SNTG1: variants seen among roughly 807,000 people sequenced by gnomAD.
SNTG1 encodes the protein syntrophin gamma 1.
In SNTG1, 39 loss-of-function variants were observed where a neutral mutation model predicts 74.7. The ratio of observed to expected loss-of-function variants is 0.52; its 90% CI spans 0.40 to 0.68. The LOEUF (loss-of-function observed/expected upper bound fraction) is 0.68, where lower values mean the gene tolerates loss of function less well. SNTG1 is among the 30% of genes least tolerant of loss of function. SNTG1 has a pLI of 0.00. For synonymous variants in SNTG1, 254 were observed against 217.1 expected (o/e 1.17, Z -1.49); for missense variants, 685 against 609.5 (o/e 1.12, Z -1.30).
intron 1 of SNTG1, among the ~76,000 whole-genome samples, chr8:50,004,076 A>T (rs1434254190): frequency 6.6e-6 from 1 of 152,130 alleles, no homozygotes; most frequent in African/African-American, 2.4e-5. Flanking sequence ...AGGAAAAGCT[A>T]ATACCCTGAG....
intron 4 of SNTG1, among the ~76,000 whole-genome samples, chr8:50,432,755 CTTTTATTTTTTATTTACA>C (rs1443748099): frequency 6.6e-6 from 1 of 151,486 alleles, no homozygotes; most frequent in Non-Finnish European, 1.5e-5. Context: ...AAATATTTTT[CTTTTATTTTTTATTTACA>C]TTTTATTTTT....
At chr8:49,928,559 T>G (rs1563358113) in intron 1 of SNTG1, among the ~76,000 whole-genome samples, 2 of 152,044 alleles carry the variant, frequency 1.3e-5, no homozygotes, top group Non-Finnish European at 2.9e-5. Flanking sequence ...ATAAATACAC[T>G]ACTCTGCTGG....
At position 50,057,971 on chromosome 8, in the gene SNTG1, A is replaced by T. The variant is rs1394237364; in HGVS notation, c.-102-114590A>T. Among the ~76,000 whole-genome samples, 4 of 152,148 alleles carry T rather than the reference A, an allele frequency of 2.6e-5. No homozygotes were observed. The East Asian group carries it at 7.7e-4, about 29-fold the overall frequency. On this transcript the variant is annotated intron_variant, in intron 1 of 18. Coordinates refer to ENST00000642720, the MANE Select transcript of SNTG1 (RefSeq NM_018967.5). ...TTGAATATTATTTGCATGTAATTTG[A>T]TAAAGCATTTACACATGTTGGAAAA... is the stretch of plus-strand genomic sequence containing the variant.
chr8:50,677,850 T>C (rs1218889645), intron 15 of SNTG1, among the ~76,000 whole-genome samples: 21 of 151,988 alleles, frequency 1.4e-4, no homozygotes, highest in Non-Finnish European at 4.4e-5. Context: ...TTTCAATACA[T>C]CATTTCACTA....
chr8:50,737,897 T>A (rs946509482), intron 17 of SNTG1, among the ~76,000 whole-genome samples: 1 of 152,096 alleles, frequency 6.6e-6, no homozygotes, highest in African/African-American at 2.4e-5. Context: ...TAAGTATTGA[T>A]GGAAAGTATC....
rs146075420 is a variant in SNTG1, at chr8:50,052,010, C to T, written c.-102-120551C>T. ...CCAAAACTGACCTAAAGAAACAATG[C>T]TTTCCTTATCAAAATTTCAGCTTTT... On this transcript the variant is annotated intron_variant, in intron 1 of 18. Transcript: ENST00000642720. Among the ~76,000 whole-genome samples, 659 of 152,042 alleles carry T rather than the reference C, an allele frequency of 4.3e-3. 4 individuals are homozygous for T. Among genetic ancestry groups the T allele is most frequent in the African/African-American group, 0.015 (637 of 41,514 alleles).
At chr8:49,966,113 T>C (rs1811112019) in intron 1 of SNTG1, among the ~76,000 whole-genome samples, 1 of 152,224 alleles carries the variant, frequency 6.6e-6, no homozygotes, top group Admixed American at 6.5e-5. Flanking sequence ...TGCTCAAGTC[T>C]CTCTTGGACT....
upstream of SNTG1, among the ~76,000 whole-genome samples, chr8:49,910,371 C>G (rs995625044): frequency 2.0e-5 from 3 of 151,940 alleles, no homozygotes; most frequent in East Asian, 5.8e-4. Context: ...CAATAACCTC[C>G]TTGTGCAGAA....
intron 13 of SNTG1, among the ~76,000 whole-genome samples, chr8:50,599,801 T>A (rs2130922817): frequency 6.6e-6 from 1 of 152,296 alleles, no homozygotes; most frequent in Non-Finnish European, 1.5e-5. Context: ...TGTTTATTTC[T>A]TTCTCTTCTT....
rs141921617 is a variant in SNTG1, at chr8:50,447,764, G to GA, written c.220-1898dup. Among the ~76,000 whole-genome samples, 793 of 152,202 alleles carry GA rather than the reference G, an allele frequency of 5.2e-3. 8 individuals carry two copies. Among genetic ancestry groups the GA allele is most frequent in the African/African-American group, 0.018 (742 of 41,538 alleles). Reference sequence around the variant, plus strand: ...AAAGAAAACAATAAGTGTGAGAAATGAAAAAATAACATGTTAGACACTGAT... The same window carrying GA: ...AAAGAAAACAATAAGTGTGAGAAATGAAAAAAATAACATGTTAGACACTGAT... On this transcript the variant is annotated intron_variant, in intron 5 of 18. Coordinates refer to ENST00000642720, the MANE Select transcript of SNTG1 (RefSeq NM_018967.5).
Position 50,365,399 on chromosome 8 carries a change from C to A in SNTG1, c.-27-28813C>A, listed in dbSNP as rs567567519. 5.9e-5 allele frequency among the ~76,000 whole-genome samples: 9 copies of A among 152,116 alleles called. No individual in the cohort carries two copies. In the East Asian group the frequency reaches 1.2e-3, roughly 20 times the overall value. On this transcript the variant is annotated intron_variant, in intron 2 of 18. Coordinates refer to ENST00000642720, the MANE Select transcript of SNTG1 (RefSeq NM_018967.5). ...TTATGTTTGTCATTTATTAATATAG[C>A]TTTTAACTCCACGTAATATACAAAT... is the stretch of plus-strand genomic sequence containing the variant.
At chr8:50,325,270 G>T (rs1279201580) in intron 2 of SNTG1, among the ~76,000 whole-genome samples, 2 of 151,402 alleles carry the variant, frequency 1.3e-5, no homozygotes, top group Non-Finnish European at 3.0e-5. Context: ...ACTCTCTAAG[G>T]CTTCTACTGG....
intron 2 of SNTG1, among the ~76,000 whole-genome samples, chr8:50,352,287 C>A (rs1463454643): frequency 6.6e-6 from 1 of 152,090 alleles, no homozygotes; most frequent in Non-Finnish European, 1.5e-5. Flanking sequence ...TTAATTGATT[C>A]TTGAGGAAGG....
intron 18 of SNTG1, chr8:50,762,877 A>G: frequency 3.3e-6 from 1 of 303,124 alleles, no homozygotes. Flanking sequence ...TGCCTTAGCT[A>G]TTTTTAAATG....
intron 2 of SNTG1, among the ~76,000 whole-genome samples, chr8:50,261,518 C>T (rs190735614): frequency 1.3e-5 from 2 of 152,022 alleles, no homozygotes; most frequent in East Asian, 3.9e-4. Context: ...CTTAGTTGAT[C>T]AAATAGACAA....
At chr8:50,667,166 T>C (rs1241342184) in intron 15 of SNTG1, among the ~76,000 whole-genome samples, 1 of 151,976 alleles carries the variant, frequency 6.6e-6, no homozygotes, top group Non-Finnish European at 1.5e-5. Flanking sequence ...ATTAGGCAAA[T>C]GCTAAAGGTT....
chr8:50,289,894 A>G (rs1212959948), intron 2 of SNTG1, among the ~76,000 whole-genome samples: 3 of 152,148 alleles, frequency 2.0e-5, no homozygotes, highest in African/African-American at 7.2e-5. Context: ...ATAGCAAGGG[A>G]ATGCACGGAA....
chr8:50,685,767 A>G (rs1182598073), intron 15 of SNTG1, among the ~76,000 whole-genome samples: 2 of 152,226 alleles, frequency 1.3e-5, no homozygotes, highest in African/African-American at 2.4e-5. Context: ...ACACACATAC[A>G]GCACATGATC....
chr8:50,512,389 G>T (rs1352818583), intron 9 of SNTG1, among the ~76,000 whole-genome samples: 1 of 151,930 alleles, frequency 6.6e-6, no homozygotes, highest in Non-Finnish European at 1.5e-5. Flanking sequence ...TGACAATTAT[G>T]TGTCTTGGAG....
Sources: gnomAD v4.1 joint callset for allele counts (sites outside exome capture counted in the v4.1 genomes callset) on GRCh38, gnomAD v4.1.1 for gene constraint, MANE v1.5 for transcripts, NCBI Gene and HGNC (gene_info 2026-07-23, HGNC 2026-07-21) for gene names.